TRIO: variants seen among roughly 807,000 people sequenced by gnomAD.
TRIO encodes the protein trio Rho guanine nucleotide exchange factor, also known as triple functional domain protein.
A neutral mutation model predicts 351.9 loss-of-function variants in TRIO; 58 were observed. The ratio of observed to expected loss-of-function variants is 0.16; its 90% CI spans 0.13 to 0.21. The LOEUF is 0.21. Ranked by LOEUF, TRIO falls within the 10% of genes least tolerant of loss-of-function variation. The pLI is 1.00. For synonymous variants in TRIO, 1,758 were observed against 1,595.7 expected, an observed-to-expected ratio of 1.10 and a Z score of -2.42; for missense variants, 3,201 against 4,027.8, an observed-to-expected ratio of 0.79 and a Z score of 5.56.
Position 14,291,041 on chromosome 5 carries a change from G to T in TRIO, c.866G>T (p.Ser289Ile). ...GQKLLQRIQS[S>I]ESFPKKNSGS... ...AAGCTGCTTCAGAGGATACAGAGCAGTGAAAGCTTTCCCAAAAAGAACTCA... is the reference window on the plus strand; with the variant it reads ...AAGCTGCTTCAGAGGATACAGAGCATTGAAAGCTTTCCCAAAAAGAACTCA... The change falls in exon 5 of 57, where the codon AGT becomes ATT. Residue 289 changes from serine to isoleucine, a missense_variant. By Grantham distance (142) the Ser-to-Ile change is moderately radical (BLOSUM62 -2). This residue lies in a region of TRIO where 349 missense variants were observed against 449.3 expected (regional missense o/e 0.78). Transcript: ENST00000344204. 1.2e-6 allele frequency: 2 copies of T among 1,614,208 alleles called. No homozygotes were observed. Among genetic ancestry groups the T allele is most frequent in the Non-Finnish European group, 1.7e-6 (2 of 1,180,026 alleles).
intron 11 of TRIO, among the ~76,000 whole-genome samples, chr5:14,341,118 G>A (rs934360883): frequency 6.6e-6 from 1 of 152,140 alleles, no homozygotes; most frequent in African/African-American, 2.4e-5. Flanking sequence ...CCTCCTACAC[G>A]TTGTCATCCA....
chr5:14,498,147 T>A lies in TRIO; in HGVS notation c.8106T>A (p.Val2702=), dbSNP rs917354104. 2 of 1,614,066 alleles carry A rather than the reference T, an allele frequency of 1.2e-6. No homozygotes were observed. Among genetic ancestry groups the A allele is most frequent in the Non-Finnish European group, 1.7e-6 (2 of 1,180,044 alleles). ...TCACGTGTGAGACAGGGGAGACCGT[T>A]GTTCTTAGATGTCGAGTCTGTGGCC... is the stretch of plus-strand genomic sequence containing the variant. ...SEVTCETGET[V]VLRCRVCGRP... The change falls in exon 52 of 57, where the codon GTT becomes GTA. Residue 2702 remains valine (V), a synonymous_variant. Transcript: ENST00000344204.
At chr5:14,149,399 C>T (rs1247044566) in intron 1 of TRIO, among the ~76,000 whole-genome samples, 3 of 152,188 alleles carry the variant, frequency 2.0e-5, no homozygotes, top group Non-Finnish European at 4.4e-5. Context: ...GCTTCTCATT[C>T]ACTCATGGAA....
At chr5:14,471,272 T>A in intron 37 of TRIO, 46 bp from the exon 38 acceptor site, 1 of 1,584,604 alleles carries the variant, frequency 6.3e-7, no homozygotes, top group Admixed American at 1.7e-5. Context: ...TAGCCAATCA[T>A]GGGCTGTGGG....
In TRIO at chr5:14,358,196, G is replaced by A. The variant is rs1743812578; in HGVS notation, c.2065G>A (p.Glu689Lys). 6.2e-7 allele frequency: 1 copy of A among 1,613,156 alleles called. No individual in the cohort carries two copies. Among genetic ancestry groups the A allele is most frequent in the Non-Finnish European group, 8.5e-7 (1 of 1,179,288 alleles). Residue 689 changes from glutamate to lysine, a missense_variant, in exon 12 of 57, where the codon GAG (glutamate) becomes AAG (lysine). Coordinates refer to ENST00000344204, the MANE Select transcript of TRIO (RefSeq NM_007118.4). ...TCCCCAGCTGTGGACGTGGCTGGAGGAGCTGCAGAAGGAGCTGCTGGACGA... is the reference window on the plus strand; with the variant it reads ...TCCCCAGCTGTGGACGTGGCTGGAGAAGCTGCAGAAGGAGCTGCTGGACGA... ...HVKELWTWLE[E>K]LQKELLDDVY...
chr5:14,503,722 G>A (rs111449024), intron 54 of TRIO, among the ~76,000 whole-genome samples: 55 of 152,314 alleles, frequency 3.6e-4, no homozygotes, highest in African/African-American at 1.3e-3. Flanking sequence ...AATAGCCCCC[G>A]CCTCCGAGTG....
At chr5:14,456,354 C>T (rs541594865) in intron 34 of TRIO, among the ~76,000 whole-genome samples, 4 of 152,360 alleles carry the variant, frequency 2.6e-5, no homozygotes, top group South Asian at 4.1e-4. Flanking sequence ...GCTCCTCAAG[C>T]GTGGCCAGAG....
At position 14,381,351 on chromosome 5, in the gene TRIO, A is replaced by G; in HGVS notation, c.3570+99A>G. On this transcript the variant is annotated intron_variant, in intron 21 of 56. Transcript: ENST00000344204. Reference sequence around the variant, plus strand: ...CCTCATGAGATTGGAGAAAAGGATGACCCAGTGGGCTGTTCCACATTAACT... The same window carrying G: ...CCTCATGAGATTGGAGAAAAGGATGGCCCAGTGGGCTGTTCCACATTAACT... 7 of 1,423,550 alleles carry G rather than the reference A, an allele frequency of 4.9e-6. No individual in the cohort carries two copies. In the South Asian group the frequency reaches 9.2e-5, roughly 19 times the overall value. The allele number at this position is 1,423,550 out of a possible 1,614,324, so 88.2% of individuals were successfully genotyped here. A position where few individuals can be genotyped will look rare whatever the true frequency, so the allele number is the denominator to read the frequency against.
intron 34 of TRIO, among the ~76,000 whole-genome samples, chr5:14,423,712 C>G (rs1579614241): frequency 6.6e-6 from 1 of 152,110 alleles, no homozygotes; most frequent in Non-Finnish European, 1.5e-5. Context: ...CTGCCGGATG[C>G]ATTTCTGGAG....
intron 56 of TRIO, 122 bp from the exon 57 acceptor site, chr5:14,507,758 T>TG: frequency 1.6e-6 from 2 of 1,272,552 alleles, no homozygotes; most frequent in Middle Eastern, 2.8e-4. Context: ...GCTTTGCACA[T>TG]GCATGGCTTG....
chr5:14,356,773 T>C (rs1743646997), intron 11 of TRIO, among the ~76,000 whole-genome samples: 1 of 152,146 alleles, frequency 6.6e-6, no homozygotes, highest in African/African-American at 2.4e-5. Flanking sequence ...ATGCAGGGAC[T>C]GCTATTCGAC....
At chr5:14,439,923 G>A (rs903734704) in intron 34 of TRIO, among the ~76,000 whole-genome samples, 1 of 152,154 alleles carries the variant, frequency 6.6e-6, no homozygotes, top group Non-Finnish European at 1.5e-5. Flanking sequence ...GTAGTTAATT[G>A]TCTTAAACTC....
Position 14,365,152 on chromosome 5 carries a change from C to G in TRIO, c.2754+336C>G, listed in dbSNP as rs573672145. Among the ~76,000 whole-genome samples the G allele has an allele frequency of 2.6e-5, 4 of 152,290 alleles. No individual in the cohort carries two copies. In the East Asian group the frequency reaches 7.7e-4, roughly 29 times the overall value. ...CATATTGCTTCTTATATGACTTTTT[C>G]TGCCCAGTACTGTTAGGATCTGGAT... is the stretch of plus-strand genomic sequence containing the variant. On this transcript the variant is annotated intron_variant, in intron 15 of 56. Coordinates refer to ENST00000344204, the MANE Select transcript of TRIO (RefSeq NM_007118.4).
At chr5:14,256,444 C>T (rs1795025651) in intron 1 of TRIO, among the ~76,000 whole-genome samples, 1 of 152,166 alleles carries the variant, frequency 6.6e-6, no homozygotes. Flanking sequence ...GTGGTTACGT[C>T]TAGAGCCAGG....
Position 14,283,283 on chromosome 5 carries a change from A to G in TRIO, c.347+2847A>G, listed in dbSNP as rs1373197145. ...GCCTGTGAGACCTTTTGCTGTGTCC[A>G]GTGCTTCCTCGTGCTTCCCAGATTT... On this transcript the variant is annotated intron_variant, in intron 3 of 56. Coordinates refer to ENST00000344204, the MANE Select transcript of TRIO (RefSeq NM_007118.4). 3.3e-5 allele frequency among the ~76,000 whole-genome samples: 5 copies of G among 152,330 alleles called. No homozygotes were observed. In the East Asian group the frequency reaches 7.7e-4, roughly 24 times the overall value.
Position 14,143,840 on chromosome 5 carries a change from G to T in TRIO, c.115G>T (p.Ala39Ser). Residue 39 changes from alanine to serine, a missense_variant, in exon 1 of 57, where the codon GCG becomes TCG. Coordinates refer to ENST00000344204, the MANE Select transcript of TRIO (RefSeq NM_007118.4). ...GGGAGEGAEEAAKDLADIAAF... is the reference protein window; with the variant it reads ...GGGAGEGAEESAKDLADIAAF... ...CGGTGCCGGCGAGGGGGCAGAGGAGGCGGCCAAGGACCTGGCCGACATCGC... is the reference window on the plus strand; with the variant it reads ...CGGTGCCGGCGAGGGGGCAGAGGAGTCGGCCAAGGACCTGGCCGACATCGC... 9.3e-7 allele frequency: 1 copy of T among 1,073,188 alleles called. No homozygotes were observed. The highest frequency in any genetic ancestry group is 1.1e-6 in the Non-Finnish European group (1 of 887,994). 66.5% of individuals were successfully genotyped at this position (1,073,188 alleles called of 1,614,324 possible). A position where few individuals can be genotyped will look rare whatever the true frequency, so the allele number is the denominator to read the frequency against.
At chr5:14,201,933 A>G (rs1172351545) in intron 1 of TRIO, among the ~76,000 whole-genome samples, 1 of 135,732 alleles carries the variant, frequency 7.4e-6, no homozygotes, top group Non-Finnish European at 1.5e-5. Context: ...ACACATGGAC[A>G]CAGAAAGGGG....
At chr5:14,435,413 A>C (rs1399117772) in intron 34 of TRIO, among the ~76,000 whole-genome samples, 1 of 152,146 alleles carries the variant, frequency 6.6e-6, no homozygotes, top group Non-Finnish European at 1.5e-5. Flanking sequence ...TCACTGTCTC[A>C]GTAGCATCTG....
rs76404669 is a variant in TRIO at position 14,287,755 on chromosome 5, A to T, written c.540+692A>T. Among the ~76,000 whole-genome samples the T allele has an allele frequency of 5.2e-3, 788 of 152,338 alleles. 9 individuals carry two copies. Among genetic ancestry groups the T allele is most frequent in the African/African-American group, 0.018 (759 of 41,566 alleles). On this transcript the variant is annotated intron_variant, in intron 4 of 56. Coordinates refer to ENST00000344204, the MANE Select transcript of TRIO (RefSeq NM_007118.4). ...GGAGGAAAGTCTTCCTGCCAGCATG[A>T]AACTTGATTCTTGCTCCATTTGGAA...
Sources: allele counts gnomAD v4.1 joint callset (sites outside exome capture counted in the v4.1 genomes callset), GRCh38; gene constraint gnomAD v4.1.1; regional missense constraint gnomAD v4.1.1; transcripts MANE v1.5; gene names NCBI Gene and HGNC (gene_info 2026-07-23, HGNC 2026-07-21).